The following TOGARAM1 variants were observed in gnomAD, a reference collection of about 807,000 sequenced individuals.
TOGARAM1 encodes TOG array regulator of axonemal microtubules 1.
TOGARAM1 carries 100 observed loss-of-function variants against 166.6 expected under a neutral mutation model. The ratio of observed to expected loss-of-function variants is 0.60; its 90% confidence interval spans 0.51 to 0.71. TOGARAM1 has a LOEUF of 0.71. TOGARAM1 is among the 30% of genes least tolerant of loss of function. TOGARAM1 has a pLI of 0.00. For synonymous variants in TOGARAM1, 758 were observed against 763.8 expected (o/e 0.99, Z 0.13); for missense variants, 2,029 against 2,102.7 (o/e 0.96, Z 0.69).
intron 1 of TOGARAM1, among the ~76,000 whole-genome samples, chr14:44,988,382 C>T (rs747137954): frequency 5.9e-5 from 9 of 152,132 alleles, no homozygotes; most frequent in Non-Finnish European, 8.8e-5. Flanking sequence ...TTTATTAATA[C>T]TGCCCATAGG....
intron 11 of TOGARAM1, among the ~76,000 whole-genome samples, chr14:45,041,738 C>G (rs1359472722): frequency 6.6e-6 from 1 of 152,178 alleles, no homozygotes; most frequent in African/African-American, 2.4e-5. Context: ...TTTGGTTGTT[C>G]ATTCCAAGTC....
Position 44,962,365 on chromosome 14 carries a change from C to A in TOGARAM1, c.-57C>A. 6.7e-7 allele frequency: 1 copy of A among 1,491,836 alleles called. No individual in the cohort carries two copies. The allele number at this position is 1,491,836 out of a possible 1,614,324, so 92.4% of individuals were successfully genotyped here. A position where few individuals can be genotyped will look rare whatever the true frequency, so the allele number is the denominator to read the frequency against. ...GAGGATCTGGAAGTCTGGGCTCCAT[C>A]GAGCCCTTTGGAGACGGCAATGGTT... On this transcript the variant is annotated 5_prime_UTR_variant, in exon 1 of 20. Coordinates refer to ENST00000361462, the MANE Select transcript of TOGARAM1 (RefSeq NM_001308120.2).
At chr14:44,965,769 G>A (rs1885494047) in intron 1 of TOGARAM1, among the ~76,000 whole-genome samples, 1 of 151,818 alleles carries the variant, frequency 6.6e-6, no homozygotes, top group Non-Finnish European at 1.5e-5. Context: ...GATACTTTGA[G>A]ACCCTAAGAA....
chr14:44,962,421 C>G lies in TOGARAM1; in HGVS notation c.-1C>G. The G allele has an allele frequency of 6.4e-7, 1 of 1,552,478 alleles. No homozygotes were observed. The highest frequency in any genetic ancestry group is 2.3e-5 in the East Asian group (1 of 44,414). On this transcript the variant is annotated 5_prime_UTR_variant, in exon 1 of 20. Coordinates refer to ENST00000361462, the MANE Select transcript of TOGARAM1 (RefSeq NM_001308120.2). Reference sequence around the variant, plus strand: ...CAACCACCACCACCTGACAACCCTGCATGGCGGCTGCCCCCTCCGCGCTGC... The same window carrying G: ...CAACCACCACCACCTGACAACCCTGGATGGCGGCTGCCCCCTCCGCGCTGC...
intron 18 of TOGARAM1, among the ~76,000 whole-genome samples, chr14:45,070,698 A>G (rs777890297): frequency 2.0e-5 from 3 of 152,134 alleles, no homozygotes; most frequent in Admixed American, 6.6e-5. Flanking sequence ...GGAGTGTGAA[A>G]AGTTAAACAC....
chr14:45,040,583 A>G (rs1436584208), intron 11 of TOGARAM1, among the ~76,000 whole-genome samples: 1 of 152,242 alleles, frequency 6.6e-6, no homozygotes, highest in Non-Finnish European at 1.5e-5. Context: ...AAAATTACAA[A>G]CATGAAGAAT....
In TOGARAM1 at chr14:45,004,144, C is replaced by G. The variant is rs776208820; in HGVS notation, c.2422C>G (p.Pro808Ala). Residue 808 changes from proline to alanine, a missense_variant, in exon 4 of 20, where the codon CCA (proline) becomes GCA (alanine). By Grantham distance (27) the Pro-to-Ala change is conservative. This residue lies in a region of TOGARAM1 where 1,453 missense variants were observed against 1,432.2 expected (regional missense o/e 1.01). Transcript: ENST00000361462. ...TECTSSNGQN[P>A]SPGAYILPSY... ...GTGTACTTCCTCAAATGGTCAAAATCCAAGTCCAGGAGCTTACATCCTTCC... is the reference window on the plus strand; with the variant it reads ...GTGTACTTCCTCAAATGGTCAAAATGCAAGTCCAGGAGCTTACATCCTTCC... 9.3e-6 allele frequency: 15 copies of G among 1,614,092 alleles called. No homozygotes were observed. The highest frequency in any genetic ancestry group is 1.3e-5 in the Non-Finnish European group (15 of 1,180,010).
intron 1 of TOGARAM1, among the ~76,000 whole-genome samples, chr14:44,971,563 T>C (rs889863139): frequency 6.6e-6 from 1 of 152,132 alleles, no homozygotes; most frequent in Non-Finnish European, 1.5e-5. Context: ...GCAAATTTTT[T>C]ATTTTTTATT....
chr14:44,980,005 G>GA (rs1309347822), intron 1 of TOGARAM1, among the ~76,000 whole-genome samples: 8 of 151,176 alleles, frequency 5.3e-5, no homozygotes, highest in Admixed American at 1.3e-4. Context: ...TTATAATATT[G>GA]AAAAAAAAAT....
rs1880920365 is a variant in TOGARAM1, at chr14:45,027,472, G to T, written c.3502G>T (p.Asp1168Tyr). The change falls in exon 9 of 20, where the codon GAT becomes TAT. Residue 1168 changes from aspartate to tyrosine, a missense_variant and splice_region_variant. Physicochemically the swap from Asp to Tyr is radical, Grantham distance 160. This residue lies in a region of TOGARAM1 where 1,453 missense variants were observed against 1,432.2 expected (regional missense o/e 1.01). Transcript: ENST00000361462. ...SSYLDVENEK[D>Y]AKVSISKSTY... ...ATATCTTGATGTTGAGAATGAAAAA[G>T]ATGTAAGGTTATTTGCTAATTATTA... 2 of 1,600,248 alleles carry T rather than the reference G, an allele frequency of 1.2e-6. No homozygotes were observed. The highest frequency in any genetic ancestry group is 1.7e-5 in the Admixed American group (1 of 57,666).
At chr14:45,002,332 C>A (rs1397167676) in intron 3 of TOGARAM1, among the ~76,000 whole-genome samples, 1 of 152,156 alleles carries the variant, frequency 6.6e-6, no homozygotes, top group Non-Finnish European at 1.5e-5. Flanking sequence ...TGAATAATTA[C>A]ATTGCCTTTG....
chr14:45,008,713 A>G (rs146889451), intron 5 of TOGARAM1, among the ~76,000 whole-genome samples, 200 bp from the exon 6 acceptor site: 21 of 152,280 alleles, frequency 1.4e-4, no homozygotes, highest in African/African-American at 4.8e-4. Flanking sequence ...CTTTCAACCC[A>G]GTAGGTTGTT....
At chr14:44,991,274 G>GT (rs563158109) in intron 1 of TOGARAM1, among the ~76,000 whole-genome samples, 3,047 of 148,122 alleles carry the variant, frequency 0.021, 35 homozygotes, top group African/African-American at 0.041. Context: ...TTTTGTTTTT[G>GT]TTTTTTTTTT....
At chr14:45,055,412 G>C (rs558723272) in intron 16 of TOGARAM1, among the ~76,000 whole-genome samples, 4 of 152,198 alleles carry the variant, frequency 2.6e-5, no homozygotes, top group East Asian at 3.9e-4. Flanking sequence ...GTATGTATCT[G>C]TTTTTAGACC....
chr14:45,065,511 T>C (rs1883100695), intron 16 of TOGARAM1, among the ~76,000 whole-genome samples: 1 of 152,254 alleles, frequency 6.6e-6, no homozygotes, highest in African/African-American at 2.4e-5. Context: ...GCATGCGACC[T>C]GCAGACCATG....
chr14:45,002,794 G>A (rs549839202), intron 3 of TOGARAM1, among the ~76,000 whole-genome samples: 16 of 152,186 alleles, frequency 1.1e-4, no homozygotes, highest in African/African-American at 3.6e-4. Flanking sequence ...TGGCTAACAC[G>A]GTGAAACCCC....
intron 12 of TOGARAM1, among the ~76,000 whole-genome samples, chr14:45,044,057 T>G (rs190706518): frequency 1.3e-5 from 2 of 152,172 alleles, no homozygotes; most frequent in Non-Finnish European, 2.9e-5. Flanking sequence ...TTGCCCAGGC[T>G]GGAGTGCAGT....
intron 13 of TOGARAM1, among the ~76,000 whole-genome samples, chr14:45,045,567 ATATATATATATATATATGTGTGTGTG>A (rs1212190801): frequency 4.8e-5 from 2 of 41,506 alleles, no homozygotes; most frequent in Admixed American, 3.1e-4. Context: ...ATATATATAT[ATATATATATATATATATGTGTGTGTG>A]TGTGTGTGTG....
chr14:44,967,488 CT>C (rs1221375846), intron 1 of TOGARAM1, among the ~76,000 whole-genome samples: 1 of 152,130 alleles, frequency 6.6e-6, no homozygotes, highest in Non-Finnish European at 1.5e-5. Flanking sequence ...TCAAACTTTT[CT>C]TAAATTAAGT....
Sources: gnomAD v4.1 joint callset for allele counts (sites outside exome capture counted in the v4.1 genomes callset) on GRCh38, gnomAD v4.1.1 for gene constraint, gnomAD v4.1.1 regional missense constraint, MANE v1.5 for transcripts, NCBI Gene and HGNC (gene_info 2026-07-23, HGNC 2026-07-21) for gene names.